Variants in BMPR2 observed in about 807,000 individuals in gnomAD.
BMPR2 encodes bone morphogenetic protein receptor type-2.
BMPR2 carries 29 observed loss-of-function variants against 100.8 expected under a neutral mutation model. The observed-to-expected ratio is 0.29, with a 90% confidence interval of 0.21 to 0.39. The LOEUF (loss-of-function observed/expected upper bound fraction) is 0.39. Ranked by LOEUF, BMPR2 falls within the 10% of genes least tolerant of loss-of-function variation. The pLI, the probability that BMPR2 is intolerant of heterozygous loss-of-function variation, is 1.00. For missense variants in BMPR2, 1,011 were observed against 1,274.5 expected (o/e 0.79, Z 3.15); for synonymous variants, 382 against 442.3 (o/e 0.86, Z 1.71).
chr2:202,431,573 G>T (rs1003029690), intron 1 of BMPR2, among the ~76,000 whole-genome samples: 1 of 150,582 alleles, frequency 6.6e-6, no homozygotes, highest in Non-Finnish European at 1.5e-5. Context: ...TATGATGGTG[G>T]TTTGTAAGAT....
chr2:202,531,607 T>C (rs1366385330), intron 8 of BMPR2, among the ~76,000 whole-genome samples: 1 of 152,238 alleles, frequency 6.6e-6, no homozygotes, highest in African/African-American at 2.4e-5. Context: ...ACAACATATA[T>C]GTATTTTTGT....
At chr2:202,534,733 A>G (rs1277030962) in intron 9 of BMPR2, among the ~76,000 whole-genome samples, 5 of 152,162 alleles carry the variant, frequency 3.3e-5, no homozygotes, top group South Asian at 4.1e-4. Flanking sequence ...TATTCCACAA[A>G]GCCGCCATTG....
intron 3 of BMPR2, among the ~76,000 whole-genome samples, chr2:202,473,175 A>G (rs990522259): frequency 2.6e-5 from 4 of 152,128 alleles, no homozygotes; most frequent in African/African-American, 9.7e-5. Context: ...ATGGCAGGGC[A>G]CAGTGGCTCA....
chr2:202,537,400 G>A (rs547163251), intron 9 of BMPR2, among the ~76,000 whole-genome samples: 3 of 152,276 alleles, frequency 2.0e-5, no homozygotes, highest in East Asian at 1.9e-4. Context: ...AATAAAGAAT[G>A]ATATTAAATG....
intron 3 of BMPR2, among the ~76,000 whole-genome samples, chr2:202,468,802 A>C (rs1330256098): frequency 1.3e-5 from 2 of 152,226 alleles, no homozygotes; most frequent in African/African-American, 4.8e-5. Context: ...CGGTAATATT[A>C]GATGCAAAAA....
chr2:202,470,624 C>T (rs370906883), intron 3 of BMPR2, among the ~76,000 whole-genome samples: 47 of 151,356 alleles, frequency 3.1e-4, no homozygotes, highest in African/African-American at 1.1e-3. Context: ...ATTAGCCGGG[C>T]GCGGTGGCGG....
intron 3 of BMPR2, among the ~76,000 whole-genome samples, chr2:202,504,554 T>G (rs974881472): frequency 1.7e-4 from 26 of 152,072 alleles, no homozygotes; most frequent in Non-Finnish European, 3.7e-4. Flanking sequence ...TAACACTCAC[T>G]GCGAGGGTCC....
intron 3 of BMPR2, among the ~76,000 whole-genome samples, chr2:202,500,610 A>G (rs1361955469): frequency 6.6e-6 from 1 of 152,226 alleles, no homozygotes; most frequent in Non-Finnish European, 1.5e-5. Context: ...GGATTACAGA[A>G]TATTGTTAAA....
chr2:202,544,589 AT>A (rs1281779313), intron 10 of BMPR2, among the ~76,000 whole-genome samples: 1 of 151,280 alleles, frequency 6.6e-6, no homozygotes, highest in East Asian at 1.9e-4. Context: ...TATCCTCTTA[AT>A]TTTTTTTCTC....
At chr2:202,448,470 TAA>T (rs563534612) in intron 1 of BMPR2, among the ~76,000 whole-genome samples, 1 of 137,086 alleles carries the variant, frequency 7.3e-6, no homozygotes, top group African/African-American at 2.7e-5. Context: ...AAATAAAAAA[TAA>T]AAAAAAAAAA....
At chr2:202,391,243 T>C (rs1690542555) in intron 1 of BMPR2, among the ~76,000 whole-genome samples, 1 of 152,114 alleles carries the variant, frequency 6.6e-6, no homozygotes, top group Non-Finnish European at 1.5e-5. Flanking sequence ...CCCAAAGTGC[T>C]GAGATTACAG....
chr2:202,428,390 C>G (rs1367205114), intron 1 of BMPR2, among the ~76,000 whole-genome samples: 1 of 148,352 alleles, frequency 6.7e-6, no homozygotes, highest in African/African-American at 2.4e-5. Context: ...GTTTCTCTCT[C>G]TCTCTTTCTC....
chr2:202,445,370 A>C (rs1691829567), intron 1 of BMPR2, among the ~76,000 whole-genome samples: 1 of 149,284 alleles, frequency 6.7e-6, no homozygotes, highest in Non-Finnish European at 1.5e-5. Context: ...GAGACTACAG[A>C]TGTGTGCCAA....
intron 1 of BMPR2, among the ~76,000 whole-genome samples, chr2:202,463,967 C>T (rs1692269849): frequency 6.6e-6 from 1 of 151,954 alleles, no homozygotes; most frequent in African/African-American, 2.4e-5. Context: ...CGGGACCAGC[C>T]TGACCAACAT....
intron 1 of BMPR2, among the ~76,000 whole-genome samples, chr2:202,408,956 G>C (rs2105915540): frequency 6.6e-6 from 1 of 152,302 alleles, no homozygotes; most frequent in South Asian, 2.1e-4. Flanking sequence ...ATCAGGAGTA[G>C]TGTGAGTGTT....
chr2:202,530,790 A>G lies in BMPR2; in HGVS notation c.968-4A>G, dbSNP rs1688008485. The stretch of plus-strand genomic sequence containing the variant: ...TTGATAAATATTTGAAATTATCCAA[A>G]CAGATCATTATAAACCTGCAATTTC... On this transcript the variant is annotated splice_polypyrimidine_tract_variant and splice_region_variant and intron_variant, in intron 7 of 12. Transcript: ENST00000374580. 6.2e-7 allele frequency: 1 copy of G among 1,607,082 alleles called. No individual in the cohort carries two copies. The highest frequency in any genetic ancestry group is 1.3e-5 in the African/African-American group (1 of 74,750).
chr2:202,549,172 TA>T (rs1408191571), intron 10 of BMPR2, among the ~76,000 whole-genome samples: 1 of 152,126 alleles, frequency 6.6e-6, no homozygotes, highest in African/African-American at 2.4e-5. Flanking sequence ...TCAGTATGAT[TA>T]TTTTCAGTTA....
At chr2:202,420,852 G>A (rs147239297) in intron 1 of BMPR2, among the ~76,000 whole-genome samples, 2 of 151,988 alleles carry the variant, frequency 1.3e-5, no homozygotes, top group East Asian at 3.9e-4. Flanking sequence ...CAGCCAGGAT[G>A]AGGAGTTTTT....
At chr2:202,450,417 C>T (rs191162895) in intron 1 of BMPR2, among the ~76,000 whole-genome samples, 15 of 152,128 alleles carry the variant, frequency 9.9e-5, no homozygotes, top group Admixed American at 9.8e-4. Context: ...ATGGGCTGGG[C>T]GAGGTGGCTC....
Sources: allele counts gnomAD v4.1 joint callset (sites outside exome capture counted in the v4.1 genomes callset), GRCh38; gene constraint gnomAD v4.1.1; transcripts MANE v1.5; gene names NCBI Gene and HGNC (gene_info 2026-07-23, HGNC 2026-07-21).